The following TROAP variants were observed in gnomAD, a reference collection of about 807,000 sequenced individuals.
TROAP encodes tastin.
Under a neutral mutation model 83.4 loss-of-function variants are expected in TROAP, and 62 were observed. The observed-to-expected ratio is 0.74, with a 90% CI of 0.61 to 0.92. TROAP has a LOEUF of 0.92. Ranked by LOEUF, TROAP falls within the 40% of genes least tolerant of loss-of-function variation. The probability of loss-of-function intolerance (pLI) is 0.00; values close to 1 mark genes in which losing one functional copy is unlikely to be tolerated. For missense variants in TROAP, 876 were observed against 985.1 expected (o/e 0.89, Z 1.48); for synonymous variants, 352 against 386.4 (o/e 0.91, Z 1.04).
At chr12:49,326,749 A>G (rs1447819128) in intron 7 of TROAP, 29 bp downstream of exon 7, 4 of 1,556,038 alleles carry the variant, frequency 2.6e-6, no homozygotes, top group Non-Finnish European at 3.5e-6. Flanking sequence ...GGGAGAGAAC[A>G]GGGGCAGTTG....
At chr12:49,327,044 T>G (rs1397277579) in intron 7 of TROAP, among the ~76,000 whole-genome samples, 165 bp from the exon 8 acceptor site, 1 of 152,202 alleles carries the variant, frequency 6.6e-6, no homozygotes, top group Non-Finnish European at 1.5e-5. Flanking sequence ...AATAAGTGTT[T>G]ACTGAGATAG....
chr12:49,323,902 C>CCCAGGCCGAAAGCCAGGCA lies in TROAP; in HGVS notation c.209_227dup (p.Thr78SerfsTer27). Reference sequence around the variant, plus strand: ...ACGCCCCCTCGTTGATTCAGCAGGCCCCAGGCCGAAAGCCAGGCACCAGGC... The same window carrying CCCAGGCCGAAAGCCAGGCA: ...ACGCCCCCTCGTTGATTCAGCAGGCCCCAGGCCGAAAGCCAGGCACCAGGCCGAAAGCCAGGCACCAGGC... On this transcript the variant is annotated frameshift_variant, in exon 3 of 15. Coordinates refer to ENST00000257909, the MANE Select transcript of TROAP (RefSeq NM_005480.4). LOFTEE classifies it high-confidence loss of function. 6.2e-7 allele frequency: 1 copy of CCCAGGCCGAAAGCCAGGCA among 1,614,058 alleles called. No homozygotes were observed. The highest frequency in any genetic ancestry group is 8.5e-7 in the Non-Finnish European group (1 of 1,180,034).
chr12:49,330,062 TG>T (rs528733187), intron 12 of TROAP, 71 bp downstream of exon 12: 1 of 1,606,326 alleles, frequency 6.2e-7, no homozygotes, highest in Non-Finnish European at 8.5e-7. Context: ...GGAAAAGAGA[TG>T]GGGGATCAGG....
chr12:49,328,861 A>T, intron 8 of TROAP, 66 bp from the exon 9 acceptor site: 2 of 1,495,130 alleles, frequency 1.3e-6, no homozygotes, highest in Non-Finnish European at 8.9e-7. Context: ...GAGACTCCGT[A>T]TCAAAAAAAA....
Position 49,327,235 on chromosome 12 carries a change from G to T in TROAP, c.796G>T (p.Glu266Ter). Residue 266 changes from glutamate to a stop codon, truncating the protein, a stop_gained, in exon 8 of 15, where the codon GAG (glutamate) becomes TAG (stop). Transcript: ENST00000257909. LOFTEE classifies it high-confidence loss of function. ...TTTCTCTCTTCCTAAAGGAGAACGC[G>T]AGGTTGTCACTCACTCAGATGAAGG... ...PAFSLPKGER[E>*]VVTHSDEGGV... The T allele has an allele frequency of 6.2e-7, 1 of 1,614,154 alleles. No individual in the cohort carries two copies. Among genetic ancestry groups the T allele is most frequent in the Non-Finnish European group, 8.5e-7 (1 of 1,180,018 alleles).
intron 1 of TROAP, 96 bp from the exon 2 acceptor site, chr12:49,323,508 G>A: frequency 1.3e-6 from 2 of 1,512,422 alleles, no homozygotes; most frequent in South Asian, 2.5e-5. Flanking sequence ...GCGTGGATTA[G>A]GGCGGAGGTA....
intron 8 of TROAP, among the ~76,000 whole-genome samples, chr12:49,327,696 A>G (rs1943521395): frequency 6.6e-6 from 1 of 152,336 alleles, no homozygotes; most frequent in Admixed American, 6.5e-5. Flanking sequence ...GACATATAGC[A>G]GTAAACAAGT....
intron 13 of TROAP, 32 bp downstream of exon 13, chr12:49,330,975 C>T (rs1360555563): frequency 6.2e-6 from 10 of 1,605,014 alleles, no homozygotes; most frequent in Non-Finnish European, 8.5e-6. Flanking sequence ...AGTGTGAACA[C>T]AAGAGGTCCT....
At chr12:49,327,082 G>A in intron 7 of TROAP, 127 bp from the exon 8 acceptor site, 1 of 1,173,680 alleles carries the variant, frequency 8.5e-7, no homozygotes, top group East Asian at 2.4e-5. Context: ...CTGCTGGATG[G>A]GTTCCTGTCC....
At position 49,329,869 on chromosome 12, in the gene TROAP, G is replaced by A. The variant is rs368857347; in HGVS notation, c.1177G>A (p.Val393Ile). 2.6e-5 allele frequency: 42 copies of A among 1,613,796 alleles called. No individual in the cohort carries two copies. The highest frequency in any genetic ancestry group is 1.6e-4 in the Middle Eastern group (1 of 6,078). Residue 393 changes from valine (V) to isoleucine (I), a missense_variant, in exon 12 of 15, where the codon GTC becomes ATC. Val to Ile is a conservative substitution (Grantham distance 29). Transcript: ENST00000257909. The surrounding 1 kb of genome is among the most constrained non-coding windows in gnomAD (Gnocchi z 4.5). ...DPALPWEQVA[V>I]RLFDQESCIR... ...TCCTTGGTGACAGGAGCAGGTTGCC[G>A]TCCGGTTGTTTGACCAGGAGAGTTG... is the stretch of plus-strand genomic sequence containing the variant.
At position 49,330,907 on chromosome 12, in the gene TROAP, T is replaced by C. The variant is rs1267065319; in HGVS notation, c.2062T>C (p.Ser688Pro). The C allele has an allele frequency of 6.2e-7, 1 of 1,612,486 alleles. No individual in the cohort carries two copies. The highest frequency in any genetic ancestry group is 1.7e-5 in the Admixed American group (1 of 60,018). Residue 688 changes from serine (S) to proline (P), a missense_variant, in exon 13 of 15, where the codon TCA (serine) becomes CCA (proline). Ser to Pro is a moderately conservative substitution (Grantham distance 74, BLOSUM62 -1). This residue lies in a region of TROAP where 184 missense variants were observed against 238.3 expected (regional missense o/e 0.77). Coordinates refer to ENST00000257909, the MANE Select transcript of TROAP (RefSeq NM_005480.4). ...GCTTTGTGCCAGCCCCCCTATCTGC[T>C]CACTCCAGTCTTTGAGACCCCCAGC... ...HPLCASPPIC[S>P]LQSLRPPAGQ... is the part of the protein sequence containing the mutation.
At chr12:49,327,066 G>A (rs1174671933) in intron 7 of TROAP, 143 bp from the exon 8 acceptor site, 3 of 999,658 alleles carry the variant, frequency 3.0e-6, no homozygotes, top group Non-Finnish European at 4.5e-6. Flanking sequence ...GTTGGGTGTT[G>A]AGGGGCTGCT....
intron 7 of TROAP, 140 bp from the exon 8 acceptor site, chr12:49,327,069 G>A (rs1943510949): frequency 4.9e-6 from 5 of 1,017,292 alleles, no homozygotes; most frequent in Non-Finnish European, 5.9e-6. Context: ...GGGTGTTGAG[G>A]GGCTGCTGGA....
In TROAP at chr12:49,329,716, G is replaced by A; in HGVS notation, c.1165-141G>A. 7.6e-7 allele frequency: 1 copy of A among 1,315,216 alleles called. No individual in the cohort carries two copies. Among genetic ancestry groups the A allele is most frequent in the South Asian group, 1.4e-5 (1 of 69,802 alleles). The allele number at this position is 1,315,216 out of a possible 1,614,324, so 81.5% of individuals were successfully genotyped here. A position where few individuals can be genotyped will look rare whatever the true frequency, so the allele number is the denominator to read the frequency against. ...CTGGAAAAGCTGCCTAACTCTCACT[G>A]CTTCTCTGCTGCCCCTCCTAATGTA... On this transcript the variant is annotated intron_variant, in intron 11 of 14. Coordinates refer to ENST00000257909, the MANE Select transcript of TROAP (RefSeq NM_005480.4). This position sits in a 1 kb window ranked among gnomAD's most constrained non-coding sequence, Gnocchi z 4.5.
rs750042664 is a variant in TROAP, at chr12:49,331,355, C to T, written c.2240C>T (p.Thr747Ile). The T allele has an allele frequency of 1.2e-6, 2 of 1,614,104 alleles. No homozygotes were observed. The highest frequency in any genetic ancestry group is 1.1e-5 in the South Asian group (1 of 91,090). ...YTSRAPPSGPTRVCTNPVATL... is the reference protein window; with the variant it reads ...YTSRAPPSGPIRVCTNPVATL... ...AGCCGAGCCCCTCCCTCAGGCCCCACCCGGGTCTGCACCAACCCTGTGGCT... is the reference window on the plus strand; with the variant it reads ...AGCCGAGCCCCTCCCTCAGGCCCCATCCGGGTCTGCACCAACCCTGTGGCT... The change falls in exon 14 of 15, where the codon ACC (threonine) becomes ATC (isoleucine). Residue 747 changes from threonine to isoleucine, a missense_variant. This residue lies in a region of TROAP where 184 missense variants were observed against 238.3 expected (regional missense o/e 0.77). Coordinates refer to ENST00000257909, the MANE Select transcript of TROAP (RefSeq NM_005480.4).
intron 12 of TROAP, 36 bp from the exon 13 acceptor site, chr12:49,330,109 C>T (rs1221784547): frequency 6.2e-7 from 1 of 1,608,106 alleles, no homozygotes; most frequent in African/African-American, 1.3e-5. Flanking sequence ...GAACGCACAT[C>T]TTGATGTCAC....
At position 49,328,958 on chromosome 12, in the gene TROAP, C is replaced by T. The variant is rs748932763; in HGVS notation, c.923C>T (p.Pro308Leu). The T allele has an allele frequency of 6.3e-7, 1 of 1,598,858 alleles. No individual in the cohort carries two copies. Among genetic ancestry groups the T allele is most frequent in the South Asian group, 1.1e-5 (1 of 88,874 alleles). Residue 308 changes from proline (P) to leucine (L), a missense_variant, in exon 9 of 15, where the codon CCT becomes CTT. Around this residue, in one of 3 missense-constraint regions of TROAP, gnomAD observed 689 missense variants for 722.6 expected, o/e 0.95. Coordinates refer to ENST00000257909, the MANE Select transcript of TROAP (RefSeq NM_005480.4). Reference sequence around the variant, plus strand: ...CATGACTCCCACCTGATGCCCTCCCCTGCCCCTGTGGCCCAGCCCTTGCCT... The same window carrying T: ...CATGACTCCCACCTGATGCCCTCCCTTGCCCCTGTGGCCCAGCCCTTGCCT... Reference protein sequence around the residue: ...DSHDSHLMPSPAPVAQPLPGH... With the variant: ...DSHDSHLMPSLAPVAQPLPGH...
In TROAP at chr12:49,325,895, T is replaced by C. The variant is rs1211048752; in HGVS notation, c.633+11T>C. 1.2e-6 allele frequency: 2 copies of C among 1,610,824 alleles called. No individual in the cohort carries two copies. Among genetic ancestry groups the C allele is most frequent in the Non-Finnish European group, 1.7e-6 (2 of 1,178,916 alleles). ...AGGCTACAGGCTCTGGTGAGTGCCC[T>C]TGAGGGGCTGATAGTCGGTGCTTCT... is the stretch of plus-strand genomic sequence containing the variant. On this transcript the variant is annotated intron_variant, in intron 5 of 14. Coordinates refer to ENST00000257909, the MANE Select transcript of TROAP (RefSeq NM_005480.4).
chr12:49,324,426 G>T (rs1943462538), intron 3 of TROAP: 4 of 469,204 alleles, frequency 8.5e-6, no homozygotes, highest in Non-Finnish European at 1.5e-5. Context: ...CAGTTGCTCT[G>T]TGTTCTCCTA....
Sources: allele counts gnomAD v4.1 joint callset (sites outside exome capture counted in the v4.1 genomes callset), GRCh38; gene constraint gnomAD v4.1.1; regional missense constraint gnomAD v4.1.1; non-coding constraint Gnocchi (gnomAD v3.1); transcripts MANE v1.5; gene names NCBI Gene and HGNC (gene_info 2026-07-23, HGNC 2026-07-21).